ROR2: variants seen among roughly 807,000 people sequenced by gnomAD.
ROR2 encodes tyrosine-protein kinase transmembrane receptor ROR2.
In ROR2, 33 loss-of-function variants were observed where a neutral mutation model predicts 74.9. The observed-to-expected ratio is 0.44, with a 90% CI of 0.33 to 0.59. ROR2 has a LOEUF of 0.59. ROR2 is among the 20% of genes least tolerant of loss of function. ROR2 has a pLI of 0.02. For synonymous variants in ROR2, 586 were observed against 558.7 expected, an observed-to-expected ratio of 1.05 and a Z score of -0.69; for missense variants, 1,216 against 1,313.8, an observed-to-expected ratio of 0.93 and a Z score of 1.15.
chr9:91,889,420 A>G (rs10116351), intron 1 of ROR2, among the ~76,000 whole-genome samples: 77,931 of 152,024 alleles, frequency 0.51, 21,540 homozygotes, highest in African/African-American at 0.72. Flanking sequence ...GTATGTCCAC[A>G]CACACTAGAC....
At chr9:91,823,371 C>G (rs535029912) in intron 1 of ROR2, among the ~76,000 whole-genome samples, 2 of 150,456 alleles carry the variant, frequency 1.3e-5, no homozygotes, top group Admixed American at 1.3e-4. Context: ...ATCTTGCTCT[C>G]TCGCCCAGGC....
At chr9:91,878,489 T>C (rs1366453323) in intron 1 of ROR2, among the ~76,000 whole-genome samples, 6 of 152,346 alleles carry the variant, frequency 3.9e-5, no homozygotes, top group Non-Finnish European at 7.3e-5. Context: ...GTTATTCATT[T>C]CTTGGACTCT....
chr9:91,826,709 G>A (rs1443305868), intron 1 of ROR2, among the ~76,000 whole-genome samples: 1 of 151,864 alleles, frequency 6.6e-6, no homozygotes, highest in Admixed American at 6.6e-5. Context: ...GCGTGAACCC[G>A]GGAGGCGGAG....
chr9:91,723,805 T>A lies in ROR2; in HGVS notation c.2689A>T (p.Thr897Ser). ...GCCCCATCTTCTGGGGCGTTCTGTGTGTCATCAGCGCCCTCTGAGAGCAGG... is the reference window on the plus strand; with the variant it reads ...GCCCCATCTTCTGGGGCGTTCTGTGAGTCATCAGCGCCCTCTGAGAGCAGG... ...AALLSEGADD[T>S]QNAPEDGAQS... is the part of the protein sequence containing the mutation. The change falls in exon 9 of 9, where the codon ACA becomes TCA. Residue 897 changes from threonine (T) to serine (S), a missense_variant. Coordinates refer to ENST00000375708, the MANE Select transcript of ROR2 (RefSeq NM_004560.4). 6.2e-7 allele frequency: 1 copy of A among 1,613,904 alleles called. No homozygotes were observed. Among genetic ancestry groups the A allele is most frequent in the East Asian group, 2.2e-5 (1 of 44,872 alleles).
chr9:91,733,238 T>C lies in ROR2; in HGVS notation c.821A>G (p.Asn274Ser). The change falls in exon 6 of 9, where the codon AAC (asparagine) becomes AGC (serine). Residue 274 changes from asparagine (N) to serine (S), a missense_variant. Asn to Ser is a conservative substitution (Grantham distance 46). Transcript: ENST00000375708. The surrounding 1 kb of genome is among the most constrained non-coding windows in gnomAD (Gnocchi z 5.7). Reference sequence around the variant, plus strand: ...CTGAAGCCGCATGAGGATGAGCGGGTTGGAGCGGGCGATGGTGTACTCCTG... The same window carrying C: ...CTGAAGCCGCATGAGGATGAGCGGGCTGGAGCGGGCGATGGTGTACTCCTG... ...CRQEYTIARS[N>S]PLILMRLQLP... 6.2e-7 allele frequency: 1 copy of C among 1,612,644 alleles called. No homozygotes were observed. Among genetic ancestry groups the C allele is most frequent in the Non-Finnish European group, 8.5e-7 (1 of 1,179,708 alleles).
intron 2 of ROR2, among the ~76,000 whole-genome samples, chr9:91,767,955 G>GT (rs1826111430): frequency 6.6e-6 from 1 of 152,204 alleles, no homozygotes; most frequent in African/African-American, 2.4e-5. Flanking sequence ...ATGTAACGAA[G>GT]TTAAGAGGAG....
intron 1 of ROR2, among the ~76,000 whole-genome samples, chr9:91,839,704 GGTGT>G (rs201845870): frequency 0.027 from 4,084 of 149,912 alleles, 133 homozygotes; most frequent in Middle Eastern, 0.092. Flanking sequence ...TGTTGTATGT[GGTGT>G]GTGTGTGCTG....
chr9:91,727,835 A>G (rs947477703), intron 7 of ROR2, among the ~76,000 whole-genome samples: 1 of 152,204 alleles, frequency 6.6e-6, no homozygotes, highest in African/African-American at 2.4e-5. Flanking sequence ...AAAAGTGAAC[A>G]TGCTACTGCC....
intron 4 of ROR2, among the ~76,000 whole-genome samples, chr9:91,741,730 A>T (rs1370259643): frequency 1.3e-5 from 2 of 152,184 alleles, no homozygotes; most frequent in Non-Finnish European, 2.9e-5. Flanking sequence ...TAGGTGAAGC[A>T]GAGGAAGCTC....
At chr9:91,765,804 G>C (rs1400574830) in intron 2 of ROR2, among the ~76,000 whole-genome samples, 1 of 152,202 alleles carries the variant, frequency 6.6e-6, no homozygotes, top group East Asian at 1.9e-4. Flanking sequence ...GGAAACCCAA[G>C]GCTCTTGATG....
At chr9:91,819,115 T>C (rs1828045411) in intron 1 of ROR2, among the ~76,000 whole-genome samples, 1 of 152,078 alleles carries the variant, frequency 6.6e-6, no homozygotes, top group African/African-American at 2.4e-5. Flanking sequence ...GTGGCGTGAA[T>C]GGACTCGGCC....
intron 1 of ROR2, among the ~76,000 whole-genome samples, chr9:91,818,716 G>T (rs1483630064): frequency 6.6e-6 from 1 of 152,144 alleles, no homozygotes; most frequent in Non-Finnish European, 1.5e-5. Flanking sequence ...GAACAGAGTG[G>T]GCTCAGGGGG....
Position 91,731,115 on chromosome 9 carries a change from T to G in ROR2, c.978A>C (p.Gly326=), listed in dbSNP as rs779837553. Residue 326 remains glycine, a synonymous_variant, in exon 7 of 9, where the codon GGA becomes GGC. Coordinates refer to ENST00000375708, the MANE Select transcript of ROR2 (RefSeq NM_004560.4). ...CYNGSGMDYR[G]TASTTKSGHQ... ...GGCCTGACTTGGTGGTGCTTGCCGT[T>G]CCTCTGTAATCCATGCCTGAGCCGT... 34 of 1,613,888 alleles carry G rather than the reference T, an allele frequency of 2.1e-5. No individual in the cohort carries two copies. The highest frequency in any genetic ancestry group is 8.5e-6 in the Non-Finnish European group (10 of 1,180,020).
chr9:91,943,200 A>AT (rs901167336), intron 1 of ROR2, among the ~76,000 whole-genome samples: 1 of 151,918 alleles, frequency 6.6e-6, no homozygotes, highest in African/African-American at 2.4e-5. Context: ...CTTATTGTGT[A>AT]TTTTTCCCTG....
At chr9:91,899,684 G>A (rs575174315) in intron 1 of ROR2, among the ~76,000 whole-genome samples, 7 of 152,110 alleles carry the variant, frequency 4.6e-5, no homozygotes, top group Middle Eastern at 3.4e-3. Flanking sequence ...AGTTCCCCAC[G>A]CTCTGCCTGA....
chr9:91,861,236 T>G (rs1422384658), intron 1 of ROR2, among the ~76,000 whole-genome samples: 2 of 149,620 alleles, frequency 1.3e-5, no homozygotes, highest in East Asian at 3.9e-4. Flanking sequence ...CCTCACCTAT[T>G]TTTTGAGGTT....
chr9:91,927,856 G>C (rs374228971), intron 1 of ROR2, among the ~76,000 whole-genome samples: 23 of 152,006 alleles, frequency 1.5e-4, no homozygotes, highest in Non-Finnish European at 1.5e-5. Context: ...GAGCCACCGC[G>C]CCCAGCCTCT....
intron 1 of ROR2, among the ~76,000 whole-genome samples, chr9:91,835,917 C>T (rs75319295): frequency 1.0e-3 from 156 of 152,312 alleles, no homozygotes; most frequent in African/African-American, 3.6e-3. Flanking sequence ...AATTTCTGGG[C>T]GCTAGGACAA....
At chr9:91,859,680 C>T (rs1245389071) in intron 1 of ROR2, among the ~76,000 whole-genome samples, 1 of 152,046 alleles carries the variant, frequency 6.6e-6, no homozygotes, top group Non-Finnish European at 1.5e-5. Flanking sequence ...AAAAAATTAG[C>T]CGGTCGTGGT....
Sources: allele counts gnomAD v4.1 joint callset (sites outside exome capture counted in the v4.1 genomes callset), GRCh38; gene constraint gnomAD v4.1.1; non-coding constraint Gnocchi (gnomAD v3.1); transcripts MANE v1.5; gene names NCBI Gene and HGNC (gene_info 2026-07-23, HGNC 2026-07-21).